Variants in GNAO1 observed in about 807,000 individuals in gnomAD.
GNAO1 encodes G protein subunit alpha o1, also known as guanine nucleotide-binding protein G(o) subunit alpha.
For missense variants in GNAO1, 166 were observed against 478.7 expected (o/e 0.35, Z 6.10); for synonymous variants, 164 against 180.7 (o/e 0.91, Z 0.74).
chr16:56,327,414 G>C (rs1187709940), intron 3 of GNAO1, among the ~76,000 whole-genome samples: 3 of 152,130 alleles, frequency 2.0e-5, no homozygotes, highest in Non-Finnish European at 4.4e-5. Flanking sequence ...GAGGCGCAGG[G>C]CAAAGGGTGT....
At chr16:56,269,239 C>G (rs1164516419) in intron 2 of GNAO1, among the ~76,000 whole-genome samples, 2 of 152,132 alleles carry the variant, frequency 1.3e-5, no homozygotes, top group South Asian at 2.1e-4. Context: ...CGGAGAAACC[C>G]CCTCTGCCGC....
intron 2 of GNAO1, among the ~76,000 whole-genome samples, chr16:56,204,556 C>T (rs1194410627): frequency 6.6e-6 from 1 of 152,116 alleles, no homozygotes; most frequent in Non-Finnish European, 1.5e-5. Flanking sequence ...GAGGCAAACC[C>T]AGAGCGCCCT....
In GNAO1 at chr16:56,354,261, C is replaced by T. The variant is rs1359076218; in HGVS notation, c.878-605C>T. Among the ~76,000 whole-genome samples, 1 of 152,246 alleles carries T rather than the reference C, an allele frequency of 6.6e-6. No individual in the cohort carries two copies. Among genetic ancestry groups the T allele is most frequent in the African/African-American group, 2.4e-5 (1 of 41,462 alleles). ...GTGGCCACTGCTGTCCCAGGCGGGGCTTCCGGGTGGATCTGGTGTGAAAAC... is the reference window on the plus strand; with the variant it reads ...GTGGCCACTGCTGTCCCAGGCGGGGTTTCCGGGTGGATCTGGTGTGAAAAC... On this transcript the variant is annotated intron_variant, in intron 7 of 8. Transcript: ENST00000262493. This position sits in a 1 kb window ranked among gnomAD's most constrained non-coding sequence, Gnocchi z 4.3.
At position 56,351,455 on chromosome 16, in the gene GNAO1, C is replaced by T. The variant is rs1483935566; in HGVS notation, c.795C>T (p.Ile265=). 1 of 1,609,108 alleles carries T rather than the reference C, an allele frequency of 6.2e-7. No homozygotes were observed. Residue 265 remains isoleucine (I), a synonymous_variant, in exon 7 of 9, where the codon ATC becomes ATT. Coordinates refer to ENST00000262493, the MANE Select transcript of GNAO1 (RefSeq NM_020988.3). The surrounding 1 kb of genome is among the most constrained non-coding windows in gnomAD (Gnocchi z 6.1). The part of the protein sequence containing the change: ...CNNKFFIDTS[I]ILFLNKKDLF... ...ACAAGTTCTTCATCGATACCTCCAT[C>T]ATTCTCTTCCTCAACAAGAAAGATC... is the stretch of plus-strand genomic sequence containing the variant.
chr16:56,315,915 C>T (rs1338277098), intron 3 of GNAO1, among the ~76,000 whole-genome samples: 5 of 152,000 alleles, frequency 3.3e-5, no homozygotes, highest in African/African-American at 7.2e-5. Flanking sequence ...AAAAATTAGC[C>T]GGGCATGGTG....
At position 56,294,361 on chromosome 16, in the gene GNAO1, A is replaced by G. The variant is rs1000365647; in HGVS notation, c.303+18289A>G. The stretch of plus-strand genomic sequence containing the variant: ...TGCTTTAAAAAAAAAAAAAAAAAAA[A>G]GTGGACTGGGTGTGAGCTAGGTGTC... On this transcript the variant is annotated intron_variant, in intron 3 of 8. Coordinates refer to ENST00000262493, the MANE Select transcript of GNAO1 (RefSeq NM_020988.3). 4.4e-4 allele frequency among the ~76,000 whole-genome samples: 66 copies of G among 150,226 alleles called. 1 individual carries two copies. Among genetic ancestry groups the G allele is most frequent in the African/African-American group, 1.4e-3 (57 of 40,834 alleles).
intron 6 of GNAO1, chr16:56,341,034 G>C: frequency 6.5e-7 from 1 of 1,531,346 alleles, no homozygotes; most frequent in East Asian, 2.3e-5. Flanking sequence ...AGCGGGCCCC[G>C]TTCCCAAAGC....
At chr16:56,232,256 T>G (rs943083028) in intron 2 of GNAO1, among the ~76,000 whole-genome samples, 1 of 152,232 alleles carries the variant, frequency 6.6e-6, no homozygotes, top group African/African-American at 2.4e-5. Context: ...ATTGACCCTC[T>G]TGAGCCTCGT....
At chr16:56,248,910 T>C (rs1596820026) in intron 2 of GNAO1, among the ~76,000 whole-genome samples, 1 of 151,354 alleles carries the variant, frequency 6.6e-6, no homozygotes, top group African/African-American at 2.4e-5. Context: ...GATCTCACTG[T>C]GGAGAACAGC....
intron 2 of GNAO1, among the ~76,000 whole-genome samples, chr16:56,243,241 G>T (rs1332650949): frequency 5.9e-5 from 9 of 152,038 alleles, no homozygotes; most frequent in African/African-American, 2.2e-4. Context: ...CACAATAAAT[G>T]TAATGTACTT....
chr16:56,332,258 G>T (rs2037696583), intron 4 of GNAO1, among the ~76,000 whole-genome samples: 1 of 152,110 alleles, frequency 6.6e-6, no homozygotes, highest in Admixed American at 6.6e-5. Flanking sequence ...GCCCCAGCCG[G>T]ACTCTGGCCA....
chr16:56,303,899 ATTT>A (rs1265227605), intron 3 of GNAO1, among the ~76,000 whole-genome samples: 1 of 152,098 alleles, frequency 6.6e-6, no homozygotes, highest in African/African-American at 2.4e-5. Flanking sequence ...CGACACCCTC[ATTT>A]TATAGACGCT....
At chr16:56,287,304 G>A (rs1444944437) in intron 3 of GNAO1, among the ~76,000 whole-genome samples, 1 of 152,240 alleles carries the variant, frequency 6.6e-6, no homozygotes, top group Non-Finnish European at 1.5e-5. Context: ...TCGCTTCAAA[G>A]CTGGGGAGGC....
intron 2 of GNAO1, among the ~76,000 whole-genome samples, chr16:56,220,904 C>T (rs564744857): frequency 1.3e-5 from 2 of 152,222 alleles, no homozygotes; most frequent in East Asian, 3.9e-4. Flanking sequence ...CCTGCCACCG[C>T]GACCTGCTGA....
At chr16:56,336,149 G>C (rs192147368) in intron 5 of GNAO1, among the ~76,000 whole-genome samples, 196 of 152,334 alleles carry the variant, frequency 1.3e-3, no homozygotes, top group Non-Finnish European at 2.1e-3. Flanking sequence ...GTCTGAGAGG[G>C]GGAAGAGGCC....
At chr16:56,282,310 G>A (rs539500567) in intron 3 of GNAO1, among the ~76,000 whole-genome samples, 6 of 152,320 alleles carry the variant, frequency 3.9e-5, no homozygotes, top group Admixed American at 1.3e-4. Context: ...TGCCTGTAGC[G>A]TGCATAGGAT....
intron 2 of GNAO1, among the ~76,000 whole-genome samples, chr16:56,221,026 A>G (rs1172764014): frequency 3.3e-5 from 5 of 152,096 alleles, no homozygotes; most frequent in African/African-American, 9.7e-5. Flanking sequence ...GATTACAGGC[A>G]TGAGCCACTG....
At chr16:56,212,217 A>T (rs2036395669) in intron 2 of GNAO1, among the ~76,000 whole-genome samples, 1 of 152,230 alleles carries the variant, frequency 6.6e-6, no homozygotes, top group African/African-American at 2.4e-5. Flanking sequence ...TTTACAAAAG[A>T]AAGTAGTCAC....
chr16:56,265,757 A>G (rs571398374), intron 2 of GNAO1, among the ~76,000 whole-genome samples: 1 of 152,298 alleles, frequency 6.6e-6, no homozygotes, highest in South Asian at 2.1e-4. Context: ...CACTGGTGGG[A>G]GGCAAGATGG....
Sources: gnomAD v4.1 joint callset for allele counts (sites outside exome capture counted in the v4.1 genomes callset) on GRCh38, gnomAD v4.1.1 for gene constraint, Gnocchi (gnomAD v3.1) non-coding constraint, MANE v1.5 for transcripts, NCBI Gene and HGNC (gene_info 2026-07-23, HGNC 2026-07-21) for gene names.